The following RALYL variants were observed in gnomAD, a reference collection of about 807,000 sequenced individuals.
RALYL encodes the protein RNA-binding Raly-like protein.
RALYL carries 29 observed loss-of-function variants against 35.1 expected under a neutral mutation model. The ratio of observed to expected loss-of-function variants is 0.83; its 90% CI spans 0.61 to 1.13. RALYL has a LOEUF of 1.13. Ranked by LOEUF, RALYL falls within the 50% of genes most tolerant of loss-of-function variation. The pLI is 0.00. For missense variants in RALYL, 359 were observed against 360.4 expected (o/e 1.00, Z 0.03); for synonymous variants, 120 against 127.6 (o/e 0.94, Z 0.40).
chr8:84,401,454 C>T (rs1056847766), intron 1 of RALYL, among the ~76,000 whole-genome samples: 3 of 151,396 alleles, frequency 2.0e-5, no homozygotes, highest in Non-Finnish European at 2.9e-5. Flanking sequence ...TGGCTTAACA[C>T]GGTGAAACCC....
intron 2 of RALYL, among the ~76,000 whole-genome samples, chr8:84,750,694 G>A (rs1809768238): frequency 6.6e-6 from 1 of 152,052 alleles, no homozygotes; most frequent in Admixed American, 6.6e-5. Flanking sequence ...TTATGGAAGT[G>A]GGACTGATGG....
chr8:84,375,781 G>C (rs1372964003), intron 1 of RALYL, among the ~76,000 whole-genome samples: 1 of 151,796 alleles, frequency 6.6e-6, no homozygotes, highest in Admixed American at 6.6e-5. Context: ...ATCCAACGAA[G>C]ATTTTGAAAT....
intron 2 of RALYL, among the ~76,000 whole-genome samples, chr8:84,705,241 G>A (rs1275868020): frequency 6.6e-6 from 1 of 152,158 alleles, no homozygotes. Context: ...AACATATTCA[G>A]ATAGGGATAT....
intron 2 of RALYL, among the ~76,000 whole-genome samples, chr8:84,624,629 A>T (rs756662714): frequency 3.3e-5 from 5 of 152,204 alleles, no homozygotes; most frequent in Admixed American, 6.5e-5. Context: ...CACAACCTTA[A>T]TGCCATCTGC....
chr8:84,373,884 T>A (rs1856415132), intron 1 of RALYL, among the ~76,000 whole-genome samples: 1 of 152,020 alleles, frequency 6.6e-6, no homozygotes, highest in African/African-American at 2.4e-5. Flanking sequence ...TCTGATTTCT[T>A]CAAGCTGTGT....
In RALYL at chr8:84,832,400, C is replaced by T. The variant is rs1445167993; in HGVS notation, c.366-17580C>T. ...AATGAGATTAGGTCTGAGTTCTTTT[C>T]TTTTTCATCTTTTTTCTTTAAGAAT... is the stretch of plus-strand genomic sequence containing the variant. On this transcript the variant is annotated intron_variant, in intron 4 of 8. Transcript: ENST00000521268. Among the ~76,000 whole-genome samples the T allele has an allele frequency of 2.0e-5, 3 of 152,014 alleles. No homozygotes were observed. In the East Asian group the frequency reaches 5.8e-4, roughly 29 times the overall value.
chr8:84,337,329 G>GC (rs1460468508), intron 1 of RALYL, among the ~76,000 whole-genome samples: 1 of 142,356 alleles, frequency 7.0e-6, no homozygotes, highest in Non-Finnish European at 1.5e-5. Flanking sequence ...GGAATGAATT[G>GC]TTTTTTTTTT....
chr8:84,720,677 G>A (rs568358200), intron 2 of RALYL, among the ~76,000 whole-genome samples: 3 of 151,938 alleles, frequency 2.0e-5, no homozygotes, highest in Non-Finnish European at 2.9e-5. Flanking sequence ...CACAGCAAAG[G>A]AAACAATCAA....
chr8:84,249,109 G>A (rs1266658751), intron 1 of RALYL, among the ~76,000 whole-genome samples: 5 of 151,966 alleles, frequency 3.3e-5, no homozygotes, highest in South Asian at 2.1e-4. Context: ...TTGAGGCAGC[G>A]TAAAACAATA....
At chr8:84,505,697 G>T (rs1364393160) in intron 1 of RALYL, among the ~76,000 whole-genome samples, 1 of 151,626 alleles carries the variant, frequency 6.6e-6, no homozygotes, top group African/African-American at 2.4e-5. Context: ...AGTTTTCGAT[G>T]ATTTAATATT....
chr8:84,877,280 A>G (rs1841350598), intron 7 of RALYL, among the ~76,000 whole-genome samples: 1 of 152,106 alleles, frequency 6.6e-6, no homozygotes, highest in African/African-American at 2.4e-5. Context: ...TGAGGTTAGG[A>G]GTTCGAGACC....
chr8:84,627,152 A>G lies in RALYL; in HGVS notation c.256+97575A>G, dbSNP rs575139207. ...AGAAGCATATGGTTCTTAACCTTTC[A>G]GGGTTGGATTGAATGACCTAAAAAG... On this transcript the variant is annotated intron_variant, in intron 2 of 8. Coordinates refer to ENST00000521268, the MANE Select transcript of RALYL (RefSeq NM_173848.7). Among the ~76,000 whole-genome samples, 4 of 152,150 alleles carry G rather than the reference A, an allele frequency of 2.6e-5. No individual in the cohort carries two copies. The East Asian group carries it at 7.8e-4, about 30-fold the overall frequency.
intron 3 of RALYL, among the ~76,000 whole-genome samples, chr8:84,778,338 T>C (rs554748976): frequency 1.5e-4 from 23 of 152,328 alleles, no homozygotes; most frequent in African/African-American, 5.5e-4. Context: ...CTTCTTTTAA[T>C]AGGATTTTCA....
At chr8:84,219,414 T>C (rs939021031) in intron 1 of RALYL, among the ~76,000 whole-genome samples, 4 of 152,064 alleles carry the variant, frequency 2.6e-5, no homozygotes, top group African/African-American at 7.2e-5. Context: ...TGTGAGTCAA[T>C]TAAATCTTTT....
At chr8:84,393,727 T>TTATAA in intron 1 of RALYL, among the ~76,000 whole-genome samples, 1 of 152,204 alleles carries the variant, frequency 6.6e-6, no homozygotes, top group African/African-American at 2.4e-5. Flanking sequence ...CTTCTCTTGC[T>TTATAA]TAAGTTGTCG....
chr8:84,418,432 A>T (rs1457717405), intron 1 of RALYL, among the ~76,000 whole-genome samples: 2 of 152,176 alleles, frequency 1.3e-5, no homozygotes, highest in African/African-American at 4.8e-5. Context: ...AATTAGCATG[A>T]TGTCTAGAAC....
rs7844790 is a variant in RALYL, at chr8:84,778,256, C to A, written c.332+3602C>A. On this transcript the variant is annotated intron_variant, in intron 3 of 8. Transcript: ENST00000521268. ...AGACTTTCTTCTTCACGTACATCCA[C>A]TTTATCTCCAATACCAATCACAAAG... Among the ~76,000 whole-genome samples, 1,105 of 152,314 alleles carry A rather than the reference C, an allele frequency of 7.3e-3. 20 individuals are homozygous for A. Among genetic ancestry groups the A allele is most frequent in the African/African-American group, 0.025 (1,043 of 41,564 alleles).
At chr8:84,523,541 T>C (rs1165965852) in intron 1 of RALYL, among the ~76,000 whole-genome samples, 1 of 152,016 alleles carries the variant, frequency 6.6e-6, no homozygotes, top group Non-Finnish European at 1.5e-5. Context: ...ATACTTTAAG[T>C]TTTAGGGTAC....
intron 2 of RALYL, among the ~76,000 whole-genome samples, chr8:84,643,850 T>TACGAG (rs1221453147): frequency 6.6e-6 from 1 of 151,932 alleles, no homozygotes; most frequent in Non-Finnish European, 1.5e-5. Context: ...GGGTACTGAG[T>TACGAG]ACGAGGTCTG....
Sources: gnomAD v4.1 joint callset for allele counts (sites outside exome capture counted in the v4.1 genomes callset) on GRCh38, gnomAD v4.1.1 for gene constraint, MANE v1.5 for transcripts, NCBI Gene and HGNC (gene_info 2026-07-23, HGNC 2026-07-21) for gene names.